The following MYO1B variants were observed in gnomAD, a reference collection of about 807,000 sequenced individuals.
MYO1B encodes myosin IB.
MYO1B carries 72 observed loss-of-function variants against 159.7 expected under a neutral mutation model. That is an observed-to-expected ratio of 0.45 (90% CI 0.37 to 0.55). MYO1B has a LOEUF of 0.55. Among genes scored for constraint, MYO1B ranks in the 20% least tolerant of loss-of-function variants. The probability of loss-of-function intolerance (pLI) is 0.00; values close to 1 mark genes in which losing one functional copy is unlikely to be tolerated. For missense variants in MYO1B, 1,062 were observed against 1,364.8 expected (o/e 0.78, Z 3.50); for synonymous variants, 468 against 473.8 (o/e 0.99, Z 0.16).
intron 2 of MYO1B, among the ~76,000 whole-genome samples, chr2:191,289,075 G>T (rs1366215264): frequency 6.6e-6 from 1 of 152,198 alleles, no homozygotes. Context: ...CTTTTCTGGT[G>T]AGAGCAAACA....
At chr2:191,367,069 C>CT (rs1694058347) in intron 11 of MYO1B, among the ~76,000 whole-genome samples, 1 of 152,040 alleles carries the variant, frequency 6.6e-6, no homozygotes, top group South Asian at 2.1e-4. Context: ...CTTTTCCTCT[C>CT]TGAGTTTCAT....
chr2:191,409,565 G>A (rs751565639), intron 26 of MYO1B, among the ~76,000 whole-genome samples: 5 of 152,194 alleles, frequency 3.3e-5, no homozygotes, highest in African/African-American at 4.8e-5. Flanking sequence ...CCTGCAAATT[G>A]AAGAGTTTAC....
At chr2:191,363,326 A>G (rs771986176) in intron 9 of MYO1B, among the ~76,000 whole-genome samples, 16 of 152,080 alleles carry the variant, frequency 1.1e-4, no homozygotes, top group Non-Finnish European at 2.4e-4. Context: ...TGGGCTCTTC[A>G]CCTTTGCAAA....
chr2:191,285,347 T>A (rs1016507130), intron 2 of MYO1B, among the ~76,000 whole-genome samples: 2 of 152,198 alleles, frequency 1.3e-5, no homozygotes, highest in Non-Finnish European at 2.9e-5. Context: ...CTGAAATGAC[T>A]GGCTGCAGCC....
intron 1 of MYO1B, among the ~76,000 whole-genome samples, chr2:191,266,872 T>C (rs1453730297): frequency 6.6e-6 from 1 of 152,262 alleles, no homozygotes; most frequent in Non-Finnish European, 1.5e-5. Context: ...TATTTTGTCA[T>C]TCTCACTTTA....
rs112532408 is a variant in MYO1B, at chr2:191,404,260, C to T, written c.2556+1542C>T. ...CCCCAGGGGGCACCATCGTATATGC[C>T]AGCATGTTGTCACCAGGCTTTTAGT... On this transcript the variant is annotated intron_variant, in intron 24 of 30. Coordinates refer to ENST00000392318, the MANE Select transcript of MYO1B (RefSeq NM_001130158.3). Among the ~76,000 whole-genome samples the T allele has an allele frequency of 9.3e-3, 1,418 of 152,204 alleles. 25 individuals are homozygous for T. The highest frequency in any genetic ancestry group is 0.032 in the African/African-American group (1,349 of 41,524).
intron 26 of MYO1B, among the ~76,000 whole-genome samples, chr2:191,409,659 T>C (rs1697145842): frequency 6.6e-6 from 1 of 152,202 alleles, no homozygotes; most frequent in African/African-American, 2.4e-5. Context: ...CTTTTTCCTG[T>C]CCCTAAAGAT....
chr2:191,400,550 A>G, intron 22 of MYO1B, 82 bp downstream of exon 22: 4 of 1,504,134 alleles, frequency 2.7e-6, no homozygotes, highest in Non-Finnish European at 3.7e-6. Context: ...AGGGGCAGAA[A>G]ATGTTTCACT....
chr2:191,398,307 T>A (rs1291705333), intron 21 of MYO1B, among the ~76,000 whole-genome samples: 3 of 101,126 alleles, frequency 3.0e-5, no homozygotes, highest in African/African-American at 1.1e-4. Flanking sequence ...ACCCCCCACC[T>A]CCCTCCTGGG....
chr2:191,304,936 T>TA (rs1273335443), intron 3 of MYO1B, among the ~76,000 whole-genome samples: 1 of 152,122 alleles, frequency 6.6e-6, no homozygotes, highest in Non-Finnish European at 1.5e-5. Context: ...ATTTCAGTGA[T>TA]ACAATCTTAA....
intron 3 of MYO1B, among the ~76,000 whole-genome samples, chr2:191,312,554 A>T (rs924006148): frequency 2.0e-5 from 3 of 152,136 alleles, no homozygotes; most frequent in African/African-American, 7.2e-5. Flanking sequence ...TTCCTATTTA[A>T]GTATTAGACT....
chr2:191,393,353 A>C (rs1695877465), intron 20 of MYO1B, 131 bp downstream of exon 20: 1 of 1,101,794 alleles, frequency 9.1e-7, no homozygotes. Context: ...GGATGTTCTT[A>C]ATGGTTCTTT....
chr2:191,353,540 CA>C (rs1264737307), intron 7 of MYO1B, among the ~76,000 whole-genome samples: 12 of 152,150 alleles, frequency 7.9e-5, no homozygotes, highest in African/African-American at 2.7e-4. Context: ...ATTACCTTAT[CA>C]AGAGTCTAGT....
At chr2:191,419,132 G>A (rs961082032) in intron 30 of MYO1B, among the ~76,000 whole-genome samples, 6 of 152,124 alleles carry the variant, frequency 3.9e-5, no homozygotes, top group African/African-American at 1.4e-4. Context: ...ACTGCCAGTT[G>A]TCTACAAGTA....
chr2:191,304,543 C>A (rs959506293), intron 3 of MYO1B, among the ~76,000 whole-genome samples: 1 of 151,758 alleles, frequency 6.6e-6, no homozygotes, highest in African/African-American at 2.4e-5. Flanking sequence ...GCACTCCAGC[C>A]TGGGCAACAA....
intron 24 of MYO1B, among the ~76,000 whole-genome samples, chr2:191,405,059 A>G (rs1488252892): frequency 6.6e-6 from 1 of 152,204 alleles, no homozygotes; most frequent in African/African-American, 2.4e-5. Context: ...ATTGAAATGA[A>G]TCCTCTCAAA....
At chr2:191,350,307 G>A (rs1692830168) in intron 7 of MYO1B, 82 bp downstream of exon 7, 2 of 984,416 alleles carry the variant, frequency 2.0e-6, no homozygotes, top group Non-Finnish European at 3.1e-6. Flanking sequence ...AGATACTTGT[G>A]TCTTTGAGGC....
intron 2 of MYO1B, among the ~76,000 whole-genome samples, chr2:191,288,517 T>C (rs910997712): frequency 2.6e-5 from 4 of 152,222 alleles, no homozygotes; most frequent in African/African-American, 7.2e-5. Context: ...TTCATCTGTT[T>C]TAATGTCTAG....
Position 191,364,247 on chromosome 2 carries a change from A to C in MYO1B, c.1003A>C (p.Lys335Gln). ...CCGAACAGTTGAGGCCAAACAGGAG[A>C]AAGTTTCAACTACACTGAATGTGGC... Reference protein sequence around the residue: ...SFRTVEAKQEKVSTTLNVAQA... With the variant: ...SFRTVEAKQEQVSTTLNVAQA... The change falls in exon 11 of 31, where the codon AAA (lysine) becomes CAA (glutamine). Residue 335 changes from lysine to glutamine, a missense_variant. Physicochemically the swap from Lys to Gln is moderately conservative, Grantham distance 53. Transcript: ENST00000392318. The C allele has an allele frequency of 6.2e-7, 1 of 1,613,886 alleles. No homozygotes were observed. The highest frequency in any genetic ancestry group is 1.1e-5 in the South Asian group (1 of 91,080).
Sources: allele counts gnomAD v4.1 joint callset (sites outside exome capture counted in the v4.1 genomes callset), GRCh38; gene constraint gnomAD v4.1.1; transcripts MANE v1.5; gene names NCBI Gene and HGNC (gene_info 2026-07-23, HGNC 2026-07-21).